ZNF25: variants seen among roughly 807,000 people sequenced by gnomAD.
The protein encoded by ZNF25 is zinc finger protein 25, also known as zinc finger protein 25 (KOX 19).
Under a neutral mutation model 30.9 loss-of-function variants are expected in ZNF25, and 21 were observed. The ratio of observed to expected loss-of-function variants is 0.68; its 90% confidence interval spans 0.48 to 0.98. The LOEUF (loss-of-function observed/expected upper bound fraction) is 0.98. ZNF25 is among the 50% of genes least tolerant of loss of function. The pLI, the probability that ZNF25 is intolerant of heterozygous loss-of-function variation, is 0.00. For missense variants in ZNF25, 501 were observed against 529.9 expected (o/e 0.95, Z 0.54); for synonymous variants, 169 against 181.3 (o/e 0.93, Z 0.55).
chr10:37,975,387 C>CAAA (rs11443634), intron 1 of ZNF25, among the ~76,000 whole-genome samples: 40 of 148,896 alleles, frequency 2.7e-4, no homozygotes, highest in Admixed American at 6.0e-4. Context: ...CATTATGTAC[C>CAAA]AAAAAAAAAA....
At chr10:37,971,609 T>C in intron 2 of ZNF25, 99 bp downstream of exon 2, 1 of 1,566,218 alleles carries the variant, frequency 6.4e-7, no homozygotes, top group Non-Finnish European at 8.7e-7. Flanking sequence ...GTATATGGGC[T>C]CTCGTTCATA....
chr10:37,961,368 G>A (rs957068025), intron 2 of ZNF25, among the ~76,000 whole-genome samples: 4 of 151,974 alleles, frequency 2.6e-5, no homozygotes, highest in African/African-American at 9.7e-5. Context: ...ACCTAAGAGG[G>A]TAAGGACAAA....
At position 37,953,328 on chromosome 10, in the gene ZNF25, A is replaced by G. The variant is rs1020418935; in HGVS notation, c.303-133T>C. Reference sequence around the variant, plus strand: ...AGATGTTCCCATATTTACTGGATCCATAGGGTTTCTCCACTGTGAGCATTC... The same window carrying G: ...AGATGTTCCCATATTTACTGGATCCGTAGGGTTTCTCCACTGTGAGCATTC... On this transcript the variant is annotated intron_variant, in intron 5 of 5. Coordinates refer to ENST00000302609, the MANE Select transcript of ZNF25 (RefSeq NM_145011.4). The G allele has an allele frequency of 4.8e-6, 4 of 825,532 alleles. No individual in the cohort carries two copies. The African/African-American group carries it at 6.9e-5, about 14-fold the overall frequency. The allele number at this position is 825,532 out of a possible 1,614,324, so 51.1% of individuals were successfully genotyped here. A position where few individuals can be genotyped will look rare whatever the true frequency, so the allele number is the denominator to read the frequency against.
intron 2 of ZNF25, 112 bp from the exon 3 acceptor site, chr10:37,957,658 G>T: frequency 8.1e-7 from 1 of 1,236,694 alleles, no homozygotes. Context: ...ATTCTGGAGA[G>T]TTAGGATATT....
At chr10:37,960,179 T>C (rs914236321) in intron 2 of ZNF25, among the ~76,000 whole-genome samples, 11 of 152,148 alleles carry the variant, frequency 7.2e-5, no homozygotes, top group African/African-American at 2.7e-4. Flanking sequence ...GTTAATGAGT[T>C]GAATTTTGTT....
chr10:37,965,833 T>C (rs1379577199), intron 2 of ZNF25, among the ~76,000 whole-genome samples: 2 of 152,196 alleles, frequency 1.3e-5, no homozygotes, highest in East Asian at 3.9e-4. Context: ...TATAAATATA[T>C]GTTAATGGTC....
At chr10:37,958,530 T>C (rs2062665729) in intron 2 of ZNF25, among the ~76,000 whole-genome samples, 1 of 152,218 alleles carries the variant, frequency 6.6e-6, no homozygotes. Context: ...TCTGAATCTG[T>C]CTTTTGGACC....
chr10:37,976,339 C>T (rs536936029), intron 1 of ZNF25, among the ~76,000 whole-genome samples, 167 bp downstream of exon 1: 95 of 152,192 alleles, frequency 6.2e-4, no homozygotes, highest in Non-Finnish European at 1.2e-3. Flanking sequence ...AAGCAGGTCG[C>T]GCAAACGCCA....
At chr10:37,968,298 C>T (rs868717895) in intron 2 of ZNF25, among the ~76,000 whole-genome samples, 10 of 151,966 alleles carry the variant, frequency 6.6e-5, no homozygotes, top group Non-Finnish European at 1.3e-4. Context: ...CCTCGTGATC[C>T]GCCTGCCTCA....
chr10:37,956,555 A>T (rs2062534741), intron 4 of ZNF25, among the ~76,000 whole-genome samples: 1 of 152,168 alleles, frequency 6.6e-6, no homozygotes, highest in Non-Finnish European at 1.5e-5. Flanking sequence ...TGGAGGTGTG[A>T]ATTAGGTTTT....
chr10:37,961,922 C>CAAAAAAAAAAAAA (rs71533129), intron 2 of ZNF25, among the ~76,000 whole-genome samples: 1 of 39,082 alleles, frequency 2.6e-5, no homozygotes. Context: ...AACTCCATCT[C>CAAAAAAAAAAAAA]AAAAAAAAAA....
Position 37,952,435 on chromosome 10 carries a change from A to G in ZNF25, c.1063T>C (p.Ser355Pro), listed in dbSNP as rs1465233468. 6.2e-7 allele frequency: 1 copy of G among 1,613,142 alleles called. No homozygotes were observed. Among genetic ancestry groups the G allele is most frequent in the Non-Finnish European group, 8.5e-7 (1 of 1,179,724 alleles). Residue 355 changes from serine to proline, a missense_variant, in exon 6 of 6, where the codon TCA becomes CCA. Transcript: ENST00000302609. ...NKCGKTFYYK[S>P]DLTKHQRKHT... ...TTTCTCTGATGTTTAGTGAGGTCTG[A>G]TTTATAGTAAAATGTTTTCCCACAT...
At position 37,952,683 on chromosome 10, in the gene ZNF25, T is replaced by C. The variant is rs772139250; in HGVS notation, c.815A>G (p.His272Arg). Residue 272 changes from histidine to arginine, a missense_variant, in exon 6 of 6, where the codon CAC (histidine) becomes CGC (arginine). Physicochemically the swap from His to Arg is conservative, Grantham distance 29. Transcript: ENST00000302609. Reference sequence around the variant, plus strand: ...GTGCATTCTCTGATGTACTGTGAGGTGTGACTTCTGGGAAAAGGCTTTCCC... The same window carrying C: ...GTGCATTCTCTGATGTACTGTGAGGCGTGACTTCTGGGAAAAGGCTTTCCC... ...ECGKAFSQKSHLTVHQRMHTG... is the reference protein window; with the variant it reads ...ECGKAFSQKSRLTVHQRMHTG... The C allele has an allele frequency of 2.4e-5, 38 of 1,613,570 alleles. No individual in the cohort carries two copies. In the South Asian group the frequency reaches 4.1e-4, roughly 17 times the overall value.
chr10:37,975,185 T>A (rs1423221529), intron 1 of ZNF25, among the ~76,000 whole-genome samples: 1 of 152,198 alleles, frequency 6.6e-6, no homozygotes, highest in Non-Finnish European at 1.5e-5. Context: ...GATTAAGTCC[T>A]AGTGTTCAAT....
chr10:37,971,738 G>T lies in ZNF25; in HGVS notation c.-16C>A. On this transcript the variant is annotated 5_prime_UTR_variant, in exon 2 of 6. Transcript: ENST00000302609. ...ACTTGTTCATTTTCTGCTGCTCTTG[G>T]GAAAGGCTGAAAACTGCAAAGCCAG... 1 of 1,613,694 alleles carries T rather than the reference G, an allele frequency of 6.2e-7. No individual in the cohort carries two copies. Among genetic ancestry groups the T allele is most frequent in the South Asian group, 1.1e-5 (1 of 91,068 alleles).
At chr10:37,974,484 A>G (rs1237742360) in intron 1 of ZNF25, among the ~76,000 whole-genome samples, 1 of 152,242 alleles carries the variant, frequency 6.6e-6, no homozygotes, top group Non-Finnish European at 1.5e-5. Context: ...ACAATAGAAG[A>G]CATACAAATG....
chr10:37,956,915 CAAAAA>C, intron 4 of ZNF25, 100 bp downstream of exon 4: 30 of 516,326 alleles, frequency 5.8e-5, no homozygotes, highest in Admixed American at 1.1e-4. Context: ...AACTCTGTTT[CAAAAA>C]AAAAAAAAAA....
rs1219144300 is a variant in ZNF25 at position 37,951,985 on chromosome 10, T to C, written c.*142A>G. 1.5e-6 allele frequency: 1 copy of C among 656,784 alleles called. No homozygotes were observed. The highest frequency in any genetic ancestry group is 1.8e-5 in the African/African-American group (1 of 54,640). The allele number at this position is 656,784 out of a possible 1,614,324, so 40.7% of individuals were successfully genotyped here. A position where few individuals can be genotyped will look rare whatever the true frequency, so the allele number is the denominator to read the frequency against. On this transcript the variant is annotated 3_prime_UTR_variant, in exon 6 of 6. Transcript: ENST00000302609. Reference sequence around the variant, plus strand: ...CAAATAAATGTACAGAATCTCTCTATGTATTTGCTGATACACAGAGAGAGC... The same window carrying C: ...CAAATAAATGTACAGAATCTCTCTACGTATTTGCTGATACACAGAGAGAGC...
rs1229152563 is a variant in ZNF25 at position 37,952,345 on chromosome 10, G to C, written c.1153C>G (p.Leu385Val). The change falls in exon 6 of 6, where the codon CTC becomes GTC. Residue 385 changes from leucine to valine, a missense_variant. Leu to Val is a conservative substitution (Grantham distance 32). Coordinates refer to ENST00000302609, the MANE Select transcript of ZNF25 (RefSeq NM_145011.4). ...GTGTGAGTCCTTTGATGTAATCTGA[G>C]GACTGAATTCACAGCAAAAGATTTG... is the stretch of plus-strand genomic sequence containing the variant. Reference protein sequence around the residue: ...CGKSFAVNSVLRLHQRTHTGE... With the variant: ...CGKSFAVNSVVRLHQRTHTGE... The C allele has an allele frequency of 6.2e-7, 1 of 1,613,706 alleles. No individual in the cohort carries two copies. The highest frequency in any genetic ancestry group is 8.5e-7 in the Non-Finnish European group (1 of 1,179,860).
Sources: gnomAD v4.1 joint callset for allele counts (sites outside exome capture counted in the v4.1 genomes callset) on GRCh38, gnomAD v4.1.1 for gene constraint, MANE v1.5 for transcripts, NCBI Gene and HGNC (gene_info 2026-07-23, HGNC 2026-07-21) for gene names.